Variants in PCTP observed in about 807,000 individuals in gnomAD.
PCTP encodes the protein phosphatidylcholine transfer protein, also known as START domain-containing protein 2.
Under a neutral mutation model 31.0 loss-of-function variants are expected in PCTP, and 27 were observed. The ratio of observed to expected loss-of-function variants is 0.87; its 90% confidence interval spans 0.64 to 1.20. PCTP has a LOEUF of 1.20. PCTP is among the 50% of genes most tolerant of loss of function. PCTP has a pLI of 0.00. For missense variants in PCTP, 287 were observed against 268.2 expected (o/e 1.07, Z -0.49); for synonymous variants, 108 against 101.2 (o/e 1.07, Z -0.40).
At chr17:55,794,239 A>G (rs539498501) in intron 3 of PCTP, among the ~76,000 whole-genome samples, 200 of 152,154 alleles carry the variant, frequency 1.3e-3, no homozygotes, top group African/African-American at 4.3e-3. Context: ...AAGCCTATCT[A>G]TATACATGAT....
At chr17:55,831,808 G>A (rs1471317209) in intron 5 of PCTP, among the ~76,000 whole-genome samples, 2 of 152,298 alleles carry the variant, frequency 1.3e-5, no homozygotes, top group East Asian at 1.9e-4. Flanking sequence ...CCGGCTGGAC[G>A]TGGTGGCTCA....
chr17:55,819,361 A>G (rs990589699), intron 3 of PCTP, among the ~76,000 whole-genome samples: 1 of 152,224 alleles, frequency 6.6e-6, no homozygotes. Context: ...GAAAAAGCAA[A>G]ACTATCTGAG....
chr17:55,833,298 G>C (rs11649803), intron 5 of PCTP, among the ~76,000 whole-genome samples: 1 of 152,146 alleles, frequency 6.6e-6, no homozygotes, highest in Admixed American at 6.5e-5. Context: ...TTGGAATCCA[G>C]CATCTTTTCT....
At chr17:55,778,270 C>T (rs1033058037), downstream of PCTP, among the ~76,000 whole-genome samples, 2 of 150,864 alleles carry the variant, frequency 1.3e-5, no homozygotes, top group Non-Finnish European at 2.9e-5. Context: ...GGACTTGCAC[C>T]TGAGTTCTCA....
chr17:55,805,929 G>A (rs1359539099), intron 3 of PCTP, among the ~76,000 whole-genome samples: 1 of 122,768 alleles, frequency 8.1e-6, no homozygotes, highest in Admixed American at 7.8e-5. Context: ...TGACTTTAGA[G>A]AAATCTCTTT....
downstream of PCTP, among the ~76,000 whole-genome samples, chr17:55,846,675 A>C (rs1906158089): frequency 6.6e-6 from 1 of 152,210 alleles, no homozygotes; most frequent in South Asian, 2.1e-4. Context: ...GGAAGAAATT[A>C]AGTCACTCTA....
chr17:55,751,619 G>C, intron 1 of PCTP: 1 of 785,324 alleles, frequency 1.3e-6, no homozygotes, highest in Non-Finnish European at 1.8e-6. Context: ...GGGCTGGGGT[G>C]GGGGAGGGGC....
intron 3 of PCTP, 22 bp from the exon 4 acceptor site, chr17:55,773,702 C>G (rs755448361): frequency 1.3e-6 from 2 of 1,591,912 alleles, no homozygotes; most frequent in Non-Finnish European, 8.6e-7. Flanking sequence ...GCGTTGGTGT[C>G]TTGCCTTAAC....
chr17:55,798,623 A>G (rs1912264111), intron 3 of PCTP, among the ~76,000 whole-genome samples: 1 of 152,052 alleles, frequency 6.6e-6, no homozygotes, highest in Non-Finnish European at 1.5e-5. Flanking sequence ...CTAGACTTCT[A>G]TACCCAGAAA....
downstream of PCTP, among the ~76,000 whole-genome samples, chr17:55,847,111 A>T (rs1365690818): frequency 6.6e-6 from 1 of 152,214 alleles, no homozygotes; most frequent in Non-Finnish European, 1.5e-5. Context: ...ATTTTTGCTC[A>T]CTGGCCTTAG....
chr17:55,777,277 C>A lies in PCTP; in HGVS notation c.*1177C>A, dbSNP rs952694888. Reference sequence around the variant, plus strand: ...AACAGAAATTCAGGATGTAAAGCCACAGAATGGGATTTATTAATGTGGGAT... The same window carrying A: ...AACAGAAATTCAGGATGTAAAGCCAAAGAATGGGATTTATTAATGTGGGAT... On this transcript the variant is annotated 3_prime_UTR_variant, in exon 6 of 6. Transcript: ENST00000268896. 2 of 985,022 alleles carry A rather than the reference C, an allele frequency of 2.0e-6. No homozygotes were observed. The highest frequency in any genetic ancestry group is 3.5e-5 in the African/African-American group (2 of 57,204). 61.0% of individuals were successfully genotyped at this position (985,022 alleles called of 1,614,324 possible). A position where few individuals can be genotyped will look rare whatever the true frequency, so the allele number is the denominator to read the frequency against.
At chr17:55,819,414 G>T (rs1913040941) in intron 3 of PCTP, among the ~76,000 whole-genome samples, 1 of 152,112 alleles carries the variant, frequency 6.6e-6, no homozygotes, top group Non-Finnish European at 1.5e-5. Flanking sequence ...TGAAAAAGAA[G>T]AACAAAATTG....
chr17:55,840,501 T>C (rs1477596141), intron 5 of PCTP, among the ~76,000 whole-genome samples: 2 of 152,234 alleles, frequency 1.3e-5, no homozygotes, highest in African/African-American at 4.8e-5. Context: ...AAAAATACCC[T>C]ATACAGTAGT....
rs904156636 is a variant in PCTP, at chr17:55,808,661, G to A, written c.318-14100G>A. On this transcript the variant is annotated intron_variant, in intron 3 of 3. Transcript: ENST00000572536. Reference sequence around the variant, plus strand: ...AATCACTCAGATTAGCAAGCAAGTCGTACTCTTTTCTCTCTGTCCAAAGCT... The same window carrying A: ...AATCACTCAGATTAGCAAGCAAGTCATACTCTTTTCTCTCTGTCCAAAGCT... 1.6e-4 allele frequency among the ~76,000 whole-genome samples: 24 copies of A among 152,202 alleles called. No individual in the cohort carries two copies. The East Asian group carries it at 4.2e-3, about 27-fold the overall frequency.
chr17:55,776,585 G>T lies in PCTP; in HGVS notation c.*485G>T, dbSNP rs1911343164. On this transcript the variant is annotated 3_prime_UTR_variant, in exon 6 of 6. Coordinates refer to ENST00000268896, the MANE Select transcript of PCTP (RefSeq NM_021213.4). The stretch of plus-strand genomic sequence containing the variant: ...GCTGCTGGAAGTGGCATTTCGTTCA[G>T]AGCTGACTTTCAGTGCACCCAAACT... 10 of 1,231,472 alleles carry T rather than the reference G, an allele frequency of 8.1e-6. No individual in the cohort carries two copies. The highest frequency in any genetic ancestry group is 7.1e-6 in the Non-Finnish European group (7 of 988,264). The allele number at this position is 1,231,472 out of a possible 1,614,324, so 76.3% of individuals were successfully genotyped here.
chr17:55,846,369 T>C (rs771288336), downstream of PCTP, among the ~76,000 whole-genome samples: 21 of 152,170 alleles, frequency 1.4e-4, no homozygotes, highest in Non-Finnish European at 2.6e-4. Flanking sequence ...CCTGCTCTAA[T>C]GGGCCTTGAG....
At chr17:55,837,601 C>A (rs1160508172) in intron 5 of PCTP, among the ~76,000 whole-genome samples, 1 of 152,148 alleles carries the variant, frequency 6.6e-6, no homozygotes, top group African/African-American at 2.4e-5. Flanking sequence ...AATCCAGAAT[C>A]CTCATATGTC....
intron 2 of PCTP, among the ~76,000 whole-genome samples, chr17:55,768,179 T>A (rs1224235152): frequency 6.6e-6 from 1 of 152,178 alleles, no homozygotes; most frequent in African/African-American, 2.4e-5. Flanking sequence ...CTATTAAATT[T>A]TGGCACAAAA....
chr17:55,752,270 A>G (rs1000267519), intron 1 of PCTP, among the ~76,000 whole-genome samples: 3 of 152,250 alleles, frequency 2.0e-5, no homozygotes, highest in Non-Finnish European at 4.4e-5. Context: ...TGCAATATTT[A>G]GAAGTTGCTC....
Sources: gnomAD v4.1 joint callset for allele counts (sites outside exome capture counted in the v4.1 genomes callset) on GRCh38, gnomAD v4.1.1 for gene constraint, MANE v1.5 for transcripts, NCBI Gene and HGNC (gene_info 2026-07-23, HGNC 2026-07-21) for gene names.